The following CFAP74 variants were observed in gnomAD, a reference collection of about 807,000 sequenced individuals.
CFAP74 encodes cilia and flagella associated protein 74.
Under a neutral mutation model 188.9 loss-of-function variants are expected in CFAP74, and 124 were observed. The observed-to-expected ratio is 0.66, with a 90% CI of 0.57 to 0.76. The LOEUF (loss-of-function observed/expected upper bound fraction) is 0.76. Among genes scored for constraint, CFAP74 ranks in the 30% least tolerant of loss-of-function variants. The pLI, the probability that CFAP74 is intolerant of heterozygous loss-of-function variation, is 0.00. For synonymous variants in CFAP74, 956 were observed against 916.7 expected, an observed-to-expected ratio of 1.04 and a Z score of -0.77; for missense variants, 2,198 against 2,165.2, an observed-to-expected ratio of 1.02 and a Z score of -0.30.
intron 34 of CFAP74, among the ~76,000 whole-genome samples, chr1:1,924,139 T>C (rs1471616999): frequency 6.9e-5 from 2 of 29,032 alleles, no homozygotes; most frequent in African/African-American, 1.7e-4. Flanking sequence ...TCCAGCTCAC[T>C]GCCCACCCCC....
At chr1:1,938,771 G>T (rs2803323) in intron 25 of CFAP74, 84 bp downstream of exon 25, 1 of 1,443,174 alleles carries the variant, frequency 6.9e-7, no homozygotes, top group Non-Finnish European at 9.3e-7. Context: ...GGTCAGGGGC[G>T]GGGATGTGGT....
intron 20 of CFAP74, among the ~76,000 whole-genome samples, chr1:1,946,013 C>T (rs2490544): frequency 0.41 from 60,173 of 145,454 alleles, 13,575 homozygotes; most frequent in Admixed American, 0.53. Flanking sequence ...TGCGGGACTG[C>T]GTGTGTGCGT....
At chr1:1,977,217 C>A (rs933117161) in intron 6 of CFAP74, among the ~76,000 whole-genome samples, 5 of 152,166 alleles carry the variant, frequency 3.3e-5, no homozygotes, top group African/African-American at 1.2e-4. Flanking sequence ...CGAACAATAG[C>A]GTTGAGTTCC....
intron 24 of CFAP74, among the ~76,000 whole-genome samples, chr1:1,939,379 C>T (rs1465305011): frequency 4.6e-5 from 7 of 152,260 alleles, no homozygotes; most frequent in Non-Finnish European, 7.4e-5. Flanking sequence ...GGATCTGGAG[C>T]GCAGGAGGTG....
In CFAP74 at chr1:1,965,028, C is replaced by CCACG. The variant is rs780973534; in HGVS notation, c.1431_1434dup (p.Gly479ArgfsTer32). 6.8e-6 allele frequency: 11 copies of CCACG among 1,613,640 alleles called. No individual in the cohort carries two copies. Among genetic ancestry groups the CCACG allele is most frequent in the Non-Finnish European group, 9.3e-6 (11 of 1,179,846 alleles). On this transcript the variant is annotated frameshift_variant, in exon 13 of 39. Coordinates refer to ENST00000682832, the MANE Select transcript of CFAP74 (RefSeq NM_001304360.2). LOFTEE classifies it high-confidence loss of function. ...ATGTCCTTGTCCATCTTTGTCCCGC[C>CCACG]CACGGGCTTTCGGTCCACGTCCTCC...
intron 10 of CFAP74, 33 bp downstream of exon 10, chr1:1,970,626 G>A: frequency 6.3e-7 from 1 of 1,577,894 alleles, no homozygotes; most frequent in Non-Finnish European, 8.6e-7. Flanking sequence ...CTGGGCGGGT[G>A]CCTCCCGGTG....
chr1:1,952,963 A>G (rs577412214), intron 18 of CFAP74, among the ~76,000 whole-genome samples: 3 of 152,190 alleles, frequency 2.0e-5, no homozygotes, highest in Admixed American at 6.5e-5. Flanking sequence ...CAGCCTCAAT[A>G]CTGTTAAGAT....
At chr1:1,934,572 C>T (rs868193094) in intron 25 of CFAP74, among the ~76,000 whole-genome samples, 89 of 135,928 alleles carry the variant, frequency 6.5e-4, no homozygotes, top group Non-Finnish European at 1.2e-3. Flanking sequence ...CACGTGTGTA[C>T]GTGGGTGTTA....
chr1:1,957,688 C>G (rs147004411), intron 16 of CFAP74, among the ~76,000 whole-genome samples: 1 of 152,142 alleles, frequency 6.6e-6, no homozygotes, highest in African/African-American at 2.4e-5. Context: ...TGATGCTGAT[C>G]CGGAGTGGAG....
intron 6 of CFAP74, among the ~76,000 whole-genome samples, chr1:1,981,803 GGC>G (rs1656887467): frequency 1.4e-4 from 20 of 140,730 alleles, no homozygotes; most frequent in East Asian, 6.6e-4. Flanking sequence ...CACACGCGGG[GGC>G]ACGCAGGACA....
intron 25 of CFAP74, among the ~76,000 whole-genome samples, chr1:1,933,378 C>G (rs960162091): frequency 6.6e-6 from 1 of 151,638 alleles, no homozygotes; most frequent in Admixed American, 6.6e-5. Flanking sequence ...CAGGGTTTCA[C>G]CATGTTGGCC....
intron 1 of CFAP74, among the ~76,000 whole-genome samples, chr1:1,999,689 C>T (rs1156869506): frequency 6.6e-6 from 1 of 151,758 alleles, no homozygotes; most frequent in East Asian, 1.9e-4. Context: ...CGGTGGCGTG[C>T]GGCTGTAACC....
intron 12 of CFAP74, among the ~76,000 whole-genome samples, chr1:1,965,810 C>G (rs761266278): frequency 6.6e-6 from 1 of 152,216 alleles, no homozygotes; most frequent in Non-Finnish European, 1.5e-5. Context: ...TGGCTTTTGC[C>G]CTGACAGTAG....
rs752910941 is a variant in CFAP74, at chr1:1,970,806, C to T, written c.899G>A (p.Arg300Gln). 101 of 1,614,118 alleles carry T rather than the reference C, an allele frequency of 6.3e-5. No individual in the cohort carries two copies. The East Asian group carries it at 6.5e-4, about 10-fold the overall frequency. Residue 300 changes from arginine (R) to glutamine (Q), a missense_variant, in exon 10 of 39, where the codon CGG becomes CAG. By Grantham distance (43) the Arg-to-Gln change is conservative. Transcript: ENST00000682832. ...GGCACGGTCCCATGCTTGGAACTTC[C>T]GCAGTGTGTCCTTGGAAACAGAGAG... ...GSISANRDTL[R>Q]KFQAWDRAKA...
chr1:1,964,084 G>A (rs1056348939), intron 13 of CFAP74, among the ~76,000 whole-genome samples: 1 of 152,210 alleles, frequency 6.6e-6, no homozygotes, highest in Admixed American at 6.5e-5. Flanking sequence ...AAGAGCCTTC[G>A]CCACTTGAGG....
intron 18 of CFAP74, among the ~76,000 whole-genome samples, chr1:1,951,126 C>T (rs1654177123): frequency 6.6e-6 from 1 of 152,076 alleles, no homozygotes; most frequent in African/African-American, 2.4e-5. Context: ...GCTGACAAGG[C>T]CTCAGGAAAC....
chr1:1,938,244 CA>C (rs889532227), intron 25 of CFAP74, among the ~76,000 whole-genome samples: 1 of 151,162 alleles, frequency 6.6e-6, no homozygotes, highest in African/African-American at 2.5e-5. Context: ...CTCACACATA[CA>C]AGCACTCACA....
chr1:1,974,630 G>C (rs1439088082), intron 6 of CFAP74, among the ~76,000 whole-genome samples: 1 of 152,222 alleles, frequency 6.6e-6, no homozygotes, highest in Non-Finnish European at 1.5e-5. Flanking sequence ...CTGGGGTGGG[G>C]GCTATGGAGC....
chr1:1,991,903 G>C (rs1456806871), intron 1 of CFAP74, among the ~76,000 whole-genome samples: 1 of 151,872 alleles, frequency 6.6e-6, no homozygotes, highest in East Asian at 2.0e-4. Flanking sequence ...AGCCGGGCAT[G>C]GTGGCAGGCG....
Sources: allele counts gnomAD v4.1 joint callset (sites outside exome capture counted in the v4.1 genomes callset), GRCh38; gene constraint gnomAD v4.1.1; transcripts MANE v1.5; gene names NCBI Gene and HGNC (gene_info 2026-07-23, HGNC 2026-07-21).